EIF3J: variants seen among roughly 807,000 people sequenced by gnomAD.
EIF3J encodes the protein eukaryotic translation initiation factor 3, subunit 1 (alpha, 35kD).
A neutral mutation model predicts 39.0 loss-of-function variants in EIF3J; 15 were observed. The observed-to-expected ratio is 0.38, with a 90% CI of 0.26 to 0.59. The LOEUF is 0.59. Among genes scored for constraint, EIF3J ranks in the 20% least tolerant of loss-of-function variants. EIF3J has a pLI of 0.60. For synonymous variants in EIF3J, 98 were observed against 112.9 expected (o/e 0.87, Z 0.84); for missense variants, 226 against 308.6 (o/e 0.73, Z 2.00).
At chr15:44,556,090 G>A (rs1381939028) in intron 5 of EIF3J, among the ~76,000 whole-genome samples, 1 of 152,062 alleles carries the variant, frequency 6.6e-6, no homozygotes, top group Non-Finnish European at 1.5e-5. Flanking sequence ...TGTTGTTGAA[G>A]TCCTGAGCTC....
chr15:44,539,472 A>G lies in EIF3J; in HGVS notation c.147+2045A>G, dbSNP rs535491074. 2.6e-5 allele frequency among the ~76,000 whole-genome samples: 4 copies of G among 151,758 alleles called. No individual in the cohort carries two copies. In the East Asian group the frequency reaches 5.9e-4, roughly 22 times the overall value. The stretch of plus-strand genomic sequence containing the variant: ...ACCCAGGCTGGAGTGCAGTGGCACA[A>G]TCTCCGCTCACTGCAAGCTCCGCCT... On this transcript the variant is annotated intron_variant, in intron 2 of 7. Transcript: ENST00000261868.
rs374985605 is a variant in EIF3J at position 44,561,894 on chromosome 15, A to G, written c.*745A>G. The G allele has an allele frequency of 2.6e-5, 4 of 152,630 alleles. No homozygotes were observed. The East Asian group carries it at 5.8e-4, about 22-fold the overall frequency. 9.5% of individuals were successfully genotyped at this position (152,630 alleles called of 1,614,324 possible). A position where few individuals can be genotyped will look rare whatever the true frequency, so the allele number is the denominator to read the frequency against. ...GCCTGATTTAAGTGTCTGAGAAACA[A>G]ATCTTTGTTCTCTTAGGCTGCAATG... On this transcript the variant is annotated 3_prime_UTR_variant, in exon 8 of 8. Coordinates refer to ENST00000261868, the MANE Select transcript of EIF3J (RefSeq NM_003758.4).
Position 44,551,280 on chromosome 15 carries a change from G to A in EIF3J, c.203-151G>A, listed in dbSNP as rs574847694. 669 of 615,408 alleles carry A rather than the reference G, an allele frequency of 1.1e-3. 9 individuals are homozygous for A. The highest frequency in any genetic ancestry group is 2.8e-4 in the Non-Finnish European group (99 of 356,130). 38.1% of individuals were successfully genotyped at this position (615,408 alleles called of 1,614,324 possible). ...GTCACATTAGAGAGGAGAAGGAAGAGTCCCAGAAGTTTCCCATTATTTGTG... is the reference window on the plus strand; with the variant it reads ...GTCACATTAGAGAGGAGAAGGAAGAATCCCAGAAGTTTCCCATTATTTGTG... On this transcript the variant is annotated intron_variant, in intron 3 of 7. Coordinates refer to ENST00000261868, the MANE Select transcript of EIF3J (RefSeq NM_003758.4).
At chr15:44,560,500 G>A in intron 7 of EIF3J, 178 bp downstream of exon 7, 2 of 551,378 alleles carry the variant, frequency 3.6e-6, no homozygotes, top group Admixed American at 7.3e-5. Context: ...TTCCAGACAT[G>A]TTCCCCTTTT....
At chr15:44,560,824 A>AC (rs1374913373) in intron 7 of EIF3J, among the ~76,000 whole-genome samples, 194 bp from the exon 8 acceptor site, 3 of 152,178 alleles carry the variant, frequency 2.0e-5, no homozygotes, top group African/African-American at 7.2e-5. Context: ...AGGACCAAGG[A>AC]CCCAGATCAA....
At chr15:44,544,163 G>A (rs1567116169) in intron 2 of EIF3J, among the ~76,000 whole-genome samples, 2 of 144,066 alleles carry the variant, frequency 1.4e-5, no homozygotes, top group Admixed American at 7.1e-5. Flanking sequence ...GCGTGATCTC[G>A]GCTCACTGCA....
intron 5 of EIF3J, 44 bp downstream of exon 5, chr15:44,554,711 G>A (rs1356534499): frequency 7.7e-7 from 1 of 1,301,856 alleles, no homozygotes; most frequent in East Asian, 2.4e-5. Flanking sequence ...AACTGTTACA[G>A]GTGAAGACCC....
At chr15:44,545,416 A>G (rs1291228491) in intron 2 of EIF3J, among the ~76,000 whole-genome samples, 1 of 152,146 alleles carries the variant, frequency 6.6e-6, no homozygotes, top group Non-Finnish European at 1.5e-5. Context: ...ATGTTACTCT[A>G]AAGATGTGTT....
At position 44,562,144 on chromosome 15, in the gene EIF3J, G is replaced by C. The variant is rs543429098; in HGVS notation, c.*995G>C. On this transcript the variant is annotated 3_prime_UTR_variant, in exon 8 of 8. Transcript: ENST00000261868. Reference sequence around the variant, plus strand: ...TGAGAGTATAGAACACAGCTCTTGGGAGTACAGTTCTCTACGTTCTCTACT... The same window carrying C: ...TGAGAGTATAGAACACAGCTCTTGGCAGTACAGTTCTCTACGTTCTCTACT... 1 of 152,746 alleles carries C rather than the reference G, an allele frequency of 6.5e-6. No individual in the cohort carries two copies. Among genetic ancestry groups the C allele is most frequent in the African/African-American group, 2.4e-5 (1 of 41,572 alleles). 9.5% of individuals were successfully genotyped at this position (152,746 alleles called of 1,614,324 possible). A position where few individuals can be genotyped will look rare whatever the true frequency, so the allele number is the denominator to read the frequency against.
In EIF3J at chr15:44,550,211, C is replaced by T. The variant is rs144917757; in HGVS notation, c.148-665C>T. On this transcript the variant is annotated intron_variant, in intron 2 of 7. Transcript: ENST00000261868. ...TACCTGTAAAACCCTAGAGAAGCAA[C>T]GATAAATCTAACTTAAGTGATAAAT... Among the ~76,000 whole-genome samples the T allele has an allele frequency of 2.9e-3, 448 of 152,194 alleles. 1 individual carries two copies. The highest frequency in any genetic ancestry group is 5.7e-3 in the Non-Finnish European group (388 of 68,006).
At chr15:44,557,372 G>C (rs2082153709) in intron 5 of EIF3J, 117 bp from the exon 6 acceptor site, 2 of 708,924 alleles carry the variant, frequency 2.8e-6, no homozygotes, top group Non-Finnish European at 4.1e-6. Flanking sequence ...TCCAGGTTCA[G>C]AGCCCCTGCT....
At chr15:44,557,166 T>G (rs1167043818) in intron 5 of EIF3J, among the ~76,000 whole-genome samples, 1 of 152,130 alleles carries the variant, frequency 6.6e-6, no homozygotes, top group Non-Finnish European at 1.5e-5. Flanking sequence ...TATTGTAAGA[T>G]ATCTGTAATG....
At chr15:44,558,238 T>C (rs1000755356) in intron 6 of EIF3J, among the ~76,000 whole-genome samples, 1 of 152,170 alleles carries the variant, frequency 6.6e-6, no homozygotes, top group Admixed American at 6.5e-5. Flanking sequence ...TTGTTGTTGT[T>C]GTTTTTGTGA....
chr15:44,545,002 CAAA>C (rs201451152), intron 2 of EIF3J, among the ~76,000 whole-genome samples: 2 of 114,438 alleles, frequency 1.7e-5, no homozygotes. Context: ...GACTCCATCT[CAAA>C]AAAAAAAAAA....
intron 2 of EIF3J, among the ~76,000 whole-genome samples, chr15:44,547,243 A>C (rs1404414030): frequency 6.6e-6 from 1 of 152,052 alleles, no homozygotes; most frequent in South Asian, 2.1e-4. Flanking sequence ...TCCTGGGTTC[A>C]AGCAATTTTC....
At chr15:44,538,075 A>G (rs1595795967) in intron 2 of EIF3J, among the ~76,000 whole-genome samples, 1 of 152,224 alleles carries the variant, frequency 6.6e-6, no homozygotes, top group Admixed American at 6.5e-5. Flanking sequence ...GTGACCTGAG[A>G]AATGGAGAGA....
intron 2 of EIF3J, chr15:44,550,668 G>T (rs545005270): frequency 2.3e-6 from 1 of 441,584 alleles, no homozygotes; most frequent in East Asian, 3.5e-5. Context: ...GTACAAAAAT[G>T]TACTTGATCA....
rs2082208819 is a variant in EIF3J at position 44,562,325 on chromosome 15, A to C, written c.*1176A>C. 1 of 152,606 alleles carries C rather than the reference A, an allele frequency of 6.6e-6. No individual in the cohort carries two copies. The highest frequency in any genetic ancestry group is 1.5e-5 in the Non-Finnish European group (1 of 68,038). The allele number at this position is 152,606 out of a possible 1,614,324, so 9.5% of individuals were successfully genotyped here. On this transcript the variant is annotated 3_prime_UTR_variant, in exon 8 of 8. Transcript: ENST00000261868. ...GTTATTTAGATACCAAGGCCTAATT[A>C]ATTAAGTACCTATAAGAACTATTTA...
chr15:44,551,412 A>G lies in EIF3J; in HGVS notation c.203-19A>G. On this transcript the variant is annotated intron_variant, in intron 3 of 7. Coordinates refer to ENST00000261868, the MANE Select transcript of EIF3J (RefSeq NM_003758.4). ...GAAAATACTCAGTATAACTGAATAA[A>G]ACTTTTTTTTACTTTTAGAGGTAAA... The G allele has an allele frequency of 2.6e-6, 4 of 1,509,938 alleles. No individual in the cohort carries two copies. The highest frequency in any genetic ancestry group is 3.6e-6 in the Non-Finnish European group (4 of 1,109,216). 93.5% of individuals were successfully genotyped at this position (1,509,938 alleles called of 1,614,324 possible).
Sources: allele counts gnomAD v4.1 joint callset (sites outside exome capture counted in the v4.1 genomes callset), GRCh38; gene constraint gnomAD v4.1.1; transcripts MANE v1.5; gene names NCBI Gene and HGNC (gene_info 2026-07-23, HGNC 2026-07-21).